SLC35F4: variants seen among roughly 807,000 people sequenced by gnomAD.
SLC35F4 encodes the protein chromosome 14 open reading frame 36.
SLC35F4 carries 24 observed loss-of-function variants against 44.2 expected under a neutral mutation model. The observed-to-expected ratio is 0.54, with a 90% CI of 0.39 to 0.76. The LOEUF (loss-of-function observed/expected upper bound fraction) is 0.76. Among genes scored for constraint, SLC35F4 ranks in the 30% least tolerant of loss-of-function variants. The pLI, the probability that SLC35F4 is intolerant of heterozygous loss-of-function variation, is 0.00. For synonymous variants in SLC35F4, 238 were observed against 223.6 expected (o/e 1.06, Z -0.57); for missense variants, 562 against 586.1 (o/e 0.96, Z 0.42).
At chr14:57,710,228 A>C (rs1045549112) in intron 1 of SLC35F4, among the ~76,000 whole-genome samples, 18 of 152,218 alleles carry the variant, frequency 1.2e-4, no homozygotes, top group African/African-American at 4.3e-4. Context: ...ATTGCTTCAG[A>C]GGGTGCAAGC....
intron 1 of SLC35F4, among the ~76,000 whole-genome samples, chr14:57,597,552 C>T (rs2070566614): frequency 1.3e-5 from 2 of 152,144 alleles, no homozygotes; most frequent in African/African-American, 4.8e-5. Context: ...GACATGTAAC[C>T]AATTAGCCAC....
chr14:57,797,920 G>A (rs111833136), intron 1 of SLC35F4, among the ~76,000 whole-genome samples: 1 of 152,034 alleles, frequency 6.6e-6, no homozygotes, highest in Non-Finnish European at 1.5e-5. Flanking sequence ...GTAATACAAA[G>A]TAGAGACATA....
At chr14:57,574,525 T>C (rs147212439) in intron 4 of SLC35F4, among the ~76,000 whole-genome samples, 56 of 152,290 alleles carry the variant, frequency 3.7e-4, no homozygotes, top group Non-Finnish European at 6.0e-4. Context: ...TCATAAGTTA[T>C]ATAGTATGTT....
Position 57,564,255 on chromosome 14 carries a change from C to T in SLC35F4, c.1338G>A (p.Arg446=). 3 of 1,613,318 alleles carry T rather than the reference C, an allele frequency of 1.9e-6. No homozygotes were observed. In the South Asian group the frequency reaches 3.3e-5, roughly 18 times the overall value. The change falls in exon 8 of 8, where the codon AGG becomes AGA. Residue 446 remains arginine, a synonymous_variant. Coordinates refer to ENST00000556826, the MANE Select transcript of SLC35F4 (RefSeq NM_001306087.2). ...TCTTTTCCTTCAGGCTGTTGATGAA[C>T]CTCAGGGTGATTTCATCCCATTCCT... ...LPEEWDEITL[R]FINSLKEKKS...
chr14:57,975,875 C>T (rs1258627035), downstream of SLC35F4, among the ~76,000 whole-genome samples: 1 of 152,134 alleles, frequency 6.6e-6, no homozygotes, highest in Non-Finnish European at 1.5e-5. Context: ...TTGTCAGAGG[C>T]AAGGTGAATG....
At position 57,584,743 on chromosome 14, in the gene SLC35F4, C is replaced by T. The variant is rs538206408; in HGVS notation, c.588-3310G>A. ...ATTCCCAAAACAACACTTCTGCTAG[C>T]AGCAGTCTCTTGTTTTAAATCAGTT... On this transcript the variant is annotated intron_variant, in intron 3 of 7. Coordinates refer to ENST00000556826, the MANE Select transcript of SLC35F4 (RefSeq NM_001306087.2). Among the ~76,000 whole-genome samples, 3 of 152,096 alleles carry T rather than the reference C, an allele frequency of 2.0e-5. No individual in the cohort carries two copies. In the South Asian group the frequency reaches 6.2e-4, roughly 32 times the overall value.
chr14:57,856,020 C>A (rs974449678), intron 1 of SLC35F4, among the ~76,000 whole-genome samples: 1 of 151,974 alleles, frequency 6.6e-6, no homozygotes, highest in Non-Finnish European at 1.5e-5. Flanking sequence ...CAGGGAACAT[C>A]ACACACTGTC....
At chr14:57,620,655 G>A (rs2072126875) in intron 1 of SLC35F4, among the ~76,000 whole-genome samples, 1 of 152,072 alleles carries the variant, frequency 6.6e-6, no homozygotes, top group Non-Finnish European at 1.5e-5. Context: ...TATTGGCTGT[G>A]GGTTTGTCAT....
At chr14:57,619,407 G>C (rs2072049151) in intron 1 of SLC35F4, among the ~76,000 whole-genome samples, 1 of 152,154 alleles carries the variant, frequency 6.6e-6, no homozygotes, top group South Asian at 2.1e-4. Flanking sequence ...AAAAGGTCTG[G>C]AGTGGACCTC....
At chr14:57,579,721 G>A (rs1014593316) in intron 4 of SLC35F4, among the ~76,000 whole-genome samples, 8 of 152,056 alleles carry the variant, frequency 5.3e-5, no homozygotes, top group South Asian at 2.1e-4. Context: ...CCCCCACTTC[G>A]TGCCCTGTAA....
At chr14:57,807,651 A>C (rs1043029620) in intron 1 of SLC35F4, among the ~76,000 whole-genome samples, 1 of 151,910 alleles carries the variant, frequency 6.6e-6, no homozygotes, top group African/African-American at 2.4e-5. Flanking sequence ...ATCATCACAT[A>C]AGACAGTGAG....
At chr14:57,578,608 T>C (rs1489752308) in intron 4 of SLC35F4, 1 of 152,142 alleles carries the variant, frequency 6.6e-6, no homozygotes, top group East Asian at 1.9e-4. Context: ...ATCATTAAAT[T>C]ACACGTTACC....
intron 1 of SLC35F4, among the ~76,000 whole-genome samples, chr14:57,822,160 C>T (rs1347285151): frequency 1.3e-5 from 2 of 152,322 alleles, no homozygotes; most frequent in African/African-American, 2.4e-5. Flanking sequence ...CTTTGGGGAC[C>T]TGAGAGACTT....
chr14:57,725,632 G>C (rs2076183515), intron 1 of SLC35F4, among the ~76,000 whole-genome samples: 1 of 152,280 alleles, frequency 6.6e-6, no homozygotes, highest in Middle Eastern at 3.4e-3. Context: ...GGAACTCACT[G>C]GTCTTATCAT....
intron 1 of SLC35F4, among the ~76,000 whole-genome samples, chr14:57,937,513 T>C (rs866386082): frequency 7.1e-6 from 1 of 141,448 alleles, no homozygotes; most frequent in Middle Eastern, 4.0e-3. Flanking sequence ...AATAGAAATA[T>C]AGGAGGCAAA....
intron 1 of SLC35F4, among the ~76,000 whole-genome samples, chr14:57,890,085 G>A (rs970971717): frequency 6.6e-6 from 1 of 152,174 alleles, no homozygotes; most frequent in Admixed American, 6.5e-5. Flanking sequence ...TGTGCAACTC[G>A]CTTTGACAAA....
At chr14:57,660,419 G>A (rs879315137) in intron 1 of SLC35F4, among the ~76,000 whole-genome samples, 1 of 151,682 alleles carries the variant, frequency 6.6e-6, no homozygotes, top group Non-Finnish European at 1.5e-5. Context: ...CTTCCATCAT[G>A]CTTCCTCAAA....
intron 1 of SLC35F4, among the ~76,000 whole-genome samples, chr14:57,720,633 T>C (rs2076060416): frequency 6.6e-6 from 1 of 152,126 alleles, no homozygotes; most frequent in Non-Finnish European, 1.5e-5. Flanking sequence ...CTTGATTGGA[T>C]TGAAGGAGGC....
At chr14:57,971,196 A>G (rs1881044289) in intron 1 of SLC35F4, among the ~76,000 whole-genome samples, 3 of 152,248 alleles carry the variant, frequency 2.0e-5, no homozygotes, top group Admixed American at 1.3e-4. Context: ...CATTATTAGA[A>G]TGTACATAGG....
Sources: gnomAD v4.1 joint callset for allele counts (sites outside exome capture counted in the v4.1 genomes callset) on GRCh38, gnomAD v4.1.1 for gene constraint, MANE v1.5 for transcripts, NCBI Gene and HGNC (gene_info 2026-07-23, HGNC 2026-07-21) for gene names.